The following KALRN variants were observed in gnomAD, a reference collection of about 807,000 sequenced individuals.
The protein encoded by KALRN is kalirin RhoGEF kinase, also known as kalirin.
KALRN carries 70 observed loss-of-function variants against 353.7 expected under a neutral mutation model. That is an observed-to-expected ratio of 0.20 (90% CI 0.16 to 0.24). The LOEUF (loss-of-function observed/expected upper bound fraction) is 0.24, where lower values mean the gene tolerates loss of function less well. KALRN is among the 10% of genes least tolerant of loss of function. The pLI is 1.00. For synonymous variants in KALRN, 1,391 were observed against 1,434.8 expected (o/e 0.97, Z 0.69); for missense variants, 2,791 against 3,756.7 (o/e 0.74, Z 6.72).
At chr3:124,598,683 A>C (rs2076502729) in intron 34 of KALRN, among the ~76,000 whole-genome samples, 1 of 151,010 alleles carries the variant, frequency 6.6e-6, no homozygotes, top group Non-Finnish European at 1.5e-5. Context: ...TGTTTTTGTC[A>C]TTGTTTTTGA....
At chr3:124,148,205 A>AT (rs1402231136) in intron 1 of KALRN, among the ~76,000 whole-genome samples, 2 of 152,094 alleles carry the variant, frequency 1.3e-5, no homozygotes, top group Non-Finnish European at 1.5e-5. Context: ...TGATTAATGC[A>AT]TTTTTTGTTT....
chr3:124,712,811 A>G (rs2062956751), intron 57 of KALRN, 124 bp from the exon 58 acceptor site: 1 of 618,720 alleles, frequency 1.6e-6, no homozygotes. Flanking sequence ...AATTAAAAAT[A>G]TAGGAGAGTA....
chr3:124,396,592 G>C (rs919910079), intron 12 of KALRN, among the ~76,000 whole-genome samples: 4 of 152,254 alleles, frequency 2.6e-5, no homozygotes, highest in Non-Finnish European at 5.9e-5. Context: ...CACTCTAGGA[G>C]CTCTGGCAGC....
intron 1 of KALRN, among the ~76,000 whole-genome samples, chr3:124,064,165 A>G (rs1396784842): frequency 2.0e-5 from 3 of 152,156 alleles, no homozygotes; most frequent in Non-Finnish European, 4.4e-5. Flanking sequence ...AACCAAGAAG[A>G]TATAATTACA....
chr3:124,344,063 G>A (rs1312538971), intron 9 of KALRN, among the ~76,000 whole-genome samples: 1 of 152,242 alleles, frequency 6.6e-6, no homozygotes, highest in Non-Finnish European at 1.5e-5. Flanking sequence ...CTATCATGCT[G>A]TATATCCTGA....
At chr3:124,657,882 A>G (rs1488901175) in intron 41 of KALRN, 79 bp downstream of exon 41, 2 of 1,056,000 alleles carry the variant, frequency 1.9e-6, no homozygotes, top group Admixed American at 3.6e-5. Context: ...GGCCAGGCAC[A>G]GTGGCTCACA....
In KALRN at chr3:124,455,368, G is replaced by T; in HGVS notation, c.3735+9G>T. The T allele has an allele frequency of 6.2e-7, 1 of 1,612,992 alleles. No individual in the cohort carries two copies. On this transcript the variant is annotated intron_variant, in intron 22 of 59. Coordinates refer to ENST00000682506, the MANE Select transcript of KALRN (RefSeq NM_001388419.1). ...TAGGAGTCAACACAGAGGTAGGCAG[G>T]GGTATTGTCCTCTGGGACATCCTCC...
intron 1 of KALRN, chr3:124,162,641 A>G (rs2070162946): frequency 6.6e-6 from 1 of 152,240 alleles, no homozygotes. Flanking sequence ...TCCGATTTAT[A>G]TACAATGCAG....
chr3:124,472,626 T>C (rs1237710345), intron 25 of KALRN, among the ~76,000 whole-genome samples: 1 of 152,024 alleles, frequency 6.6e-6, no homozygotes, highest in Non-Finnish European at 1.5e-5. Flanking sequence ...TGTGTATATA[T>C]ATGATGATGA....
chr3:124,408,897 A>G (rs534849193), intron 13 of KALRN, among the ~76,000 whole-genome samples: 1 of 152,320 alleles, frequency 6.6e-6, no homozygotes, highest in African/African-American at 2.4e-5. Flanking sequence ...ACCAACTCCT[A>G]TGAAGCAAAT....
At chr3:124,371,642 A>T (rs1024062125) in intron 10 of KALRN, among the ~76,000 whole-genome samples, 11 of 152,158 alleles carry the variant, frequency 7.2e-5, no homozygotes, top group African/African-American at 1.9e-4. Context: ...TCTTTAAAAA[A>T]TTTTTTACTA....
At chr3:124,128,876 T>G (rs1650919672) in intron 1 of KALRN, among the ~76,000 whole-genome samples, 1 of 152,088 alleles carries the variant, frequency 6.6e-6, no homozygotes, top group Admixed American at 6.6e-5. Context: ...CTAAACATTG[T>G]GTGCTTGTTC....
At chr3:124,441,794 G>A (rs917977368) in intron 18 of KALRN, 151 bp from the exon 19 acceptor site, 9 of 468,262 alleles carry the variant, frequency 1.9e-5, no homozygotes, top group Non-Finnish European at 1.6e-5. Flanking sequence ...CCACTGCACT[G>A]CAGCCTAGGC....
chr3:124,664,897 T>C (rs892966875), intron 45 of KALRN, among the ~76,000 whole-genome samples: 1 of 152,250 alleles, frequency 6.6e-6, no homozygotes, highest in African/African-American at 2.4e-5. Context: ...TCAGATCCTC[T>C]GGCTTTCCCT....
intron 3 of KALRN, among the ~76,000 whole-genome samples, chr3:124,242,150 T>C (rs2080535360): frequency 6.6e-6 from 1 of 152,168 alleles, no homozygotes; most frequent in Admixed American, 6.5e-5. Context: ...CTCTGGCAAC[T>C]GAGTGGAAGA....
chr3:124,401,242 C>T (rs552267779), intron 13 of KALRN, among the ~76,000 whole-genome samples: 6 of 152,246 alleles, frequency 3.9e-5, no homozygotes, highest in Admixed American at 6.5e-5. Flanking sequence ...TGGTGGCTCA[C>T]GCCTATAATC....
At position 124,456,697 on chromosome 3, in the gene KALRN, G is replaced by A. The variant is rs778311282; in HGVS notation, c.3823G>A (p.Glu1275Lys). Residue 1275 changes from glutamate to lysine, a missense_variant, in exon 23 of 60, where the codon GAA becomes AAA. Transcript: ENST00000682506. ...KLRDANHEVNEEKRKSARKKE... is the reference protein window; with the variant it reads ...KLRDANHEVNKEKRKSARKKE... Reference sequence around the variant, plus strand: ...GCGGGACGCCAACCACGAAGTCAATGAAGAGAAGCGGAAGTCAGCCCGGAA... The same window carrying A: ...GCGGGACGCCAACCACGAAGTCAATAAAGAGAAGCGGAAGTCAGCCCGGAA... The A allele has an allele frequency of 1.1e-5, 18 of 1,613,070 alleles. No homozygotes were observed. Among genetic ancestry groups the A allele is most frequent in the Non-Finnish European group, 1.5e-5 (18 of 1,179,324 alleles).
At chr3:124,608,688 G>A (rs2077616362) in intron 34 of KALRN, among the ~76,000 whole-genome samples, 1 of 152,150 alleles carries the variant, frequency 6.6e-6, no homozygotes, top group Admixed American at 6.5e-5. Context: ...GCCCTCCCCT[G>A]CAGTAATGGC....
intron 23 of KALRN, among the ~76,000 whole-genome samples, chr3:124,458,871 T>C (rs1331531671): frequency 6.6e-6 from 1 of 151,950 alleles, no homozygotes; most frequent in African/African-American, 2.4e-5. Flanking sequence ...GAGGCAGAGG[T>C]TGCCATGAGC....
Sources: gnomAD v4.1 joint callset for allele counts (sites outside exome capture counted in the v4.1 genomes callset) on GRCh38, gnomAD v4.1.1 for gene constraint, MANE v1.5 for transcripts, NCBI Gene and HGNC (gene_info 2026-07-23, HGNC 2026-07-21) for gene names.